Variants in MYRIP observed in about 807,000 individuals in gnomAD.
MYRIP encodes the protein rab effector MyRIP.
In MYRIP, 49 loss-of-function variants were observed where a neutral mutation model predicts 98.0. The observed-to-expected ratio is 0.50, with a 90% CI of 0.40 to 0.63. The LOEUF is 0.63. Among genes scored for constraint, MYRIP ranks in the 30% least tolerant of loss-of-function variants. MYRIP has a pLI of 0.00. For missense variants in MYRIP, 1,004 were observed against 1,058.2 expected (o/e 0.95, Z 0.71); for synonymous variants, 404 against 409.5 (o/e 0.99, Z 0.16).
Position 39,884,983 on chromosome 3 carries a change from A to G in MYRIP, c.-30-15804A>G, listed in dbSNP as rs1159908147. On this transcript the variant is annotated intron_variant, in intron 1 of 16. Transcript: ENST00000302541. ...GATATTGACAAATTGCCCTCTATAG[A>G]GGTGGTATAAATTTACATTCCTAAT... Among the ~76,000 whole-genome samples, 3 of 131,740 alleles carry G rather than the reference A, an allele frequency of 2.3e-5. No homozygotes were observed. The East Asian group carries it at 7.0e-4, about 31-fold the overall frequency. The allele number at this position is 131,740 out of a possible 152,430, so 86.4% of individuals were successfully genotyped here. A position where few individuals can be genotyped will look rare whatever the true frequency, so the allele number is the denominator to read the frequency against.
chr3:40,055,920 A>C (rs9870050), intron 3 of MYRIP, among the ~76,000 whole-genome samples: 12 of 151,902 alleles, frequency 7.9e-5, no homozygotes, highest in African/African-American at 2.4e-4. Flanking sequence ...AATTAATCGA[A>C]AATGACTAAA....
At chr3:40,021,079 C>G (rs1296165559) in intron 2 of MYRIP, among the ~76,000 whole-genome samples, 1 of 152,152 alleles carries the variant, frequency 6.6e-6, no homozygotes, top group East Asian at 1.9e-4. Context: ...ATTCCCATTC[C>G]TTTTTATAAA....
intron 2 of MYRIP, among the ~76,000 whole-genome samples, chr3:39,997,529 C>A (rs1196337836): frequency 1.3e-5 from 2 of 152,098 alleles, no homozygotes; most frequent in African/African-American, 4.8e-5. Context: ...CTCTGTAATT[C>A]AGGCAATAAT....
intron 2 of MYRIP, among the ~76,000 whole-genome samples, chr3:39,924,582 G>A (rs748186741): frequency 5.3e-5 from 8 of 151,990 alleles, no homozygotes; most frequent in Non-Finnish European, 8.8e-5. Flanking sequence ...CAAACAGGGA[G>A]ATAATCAACA....
At chr3:40,069,983 C>A (rs1286161741) in intron 3 of MYRIP, among the ~76,000 whole-genome samples, 3 of 152,178 alleles carry the variant, frequency 2.0e-5, no homozygotes, top group Admixed American at 6.5e-5. Flanking sequence ...TTCCAAGAGA[C>A]CTTTACTAAC....
intron 11 of MYRIP, among the ~76,000 whole-genome samples, chr3:40,221,962 C>G (rs1559462627): frequency 6.6e-6 from 1 of 152,140 alleles, no homozygotes. Context: ...GGCATTGGAA[C>G]AGCAAAGATA....
intron 9 of MYRIP, among the ~76,000 whole-genome samples, chr3:40,189,457 G>A (rs1022191726): frequency 6.6e-6 from 1 of 152,168 alleles, no homozygotes; most frequent in Non-Finnish European, 1.5e-5. Flanking sequence ...TGTAGCCCAA[G>A]GTCAAAGAGC....
intron 1 of MYRIP, among the ~76,000 whole-genome samples, chr3:39,820,021 G>A (rs1941057047): frequency 6.6e-6 from 1 of 152,182 alleles, no homozygotes; most frequent in African/African-American, 2.4e-5. Context: ...AGACAGATGT[G>A]TGATCTGCAG....
intron 2 of MYRIP, among the ~76,000 whole-genome samples, chr3:40,022,020 A>G (rs1947010960): frequency 6.6e-6 from 1 of 152,228 alleles, no homozygotes; most frequent in Non-Finnish European, 1.5e-5. Flanking sequence ...GAATTGATCA[A>G]ATGTTCAGTT....
Position 40,197,645 on chromosome 3 carries a change from G to GTC in MYRIP, c.1665+7183_1665+7184insCT, listed in dbSNP as rs549223932. On this transcript the variant is annotated intron_variant, in intron 10 of 16. Transcript: ENST00000302541. ...TCACCTTATCCTGTAGTCTTTTAGT[G>GTC]TAAGTGCTGAACTCTTATAGCTTTT... 2.6e-4 allele frequency among the ~76,000 whole-genome samples: 40 copies of GTC among 152,264 alleles called. No individual in the cohort carries two copies. The South Asian group carries it at 7.7e-3, about 29-fold the overall frequency.
At chr3:40,046,142 G>A (rs995133213) in intron 3 of MYRIP, among the ~76,000 whole-genome samples, 8 of 152,098 alleles carry the variant, frequency 5.3e-5, no homozygotes, top group Non-Finnish European at 8.8e-5. Flanking sequence ...ACAGTATGGA[G>A]GTGAAGAATT....
At chr3:40,163,462 G>C (rs1014460345) in intron 5 of MYRIP, among the ~76,000 whole-genome samples, 1 of 152,222 alleles carries the variant, frequency 6.6e-6, no homozygotes, top group South Asian at 2.1e-4. Context: ...ATTTCTGGAA[G>C]AGAACAGCAT....
At chr3:40,051,756 T>G (rs11923902) in intron 3 of MYRIP, among the ~76,000 whole-genome samples, 3 of 152,154 alleles carry the variant, frequency 2.0e-5, no homozygotes, top group Non-Finnish European at 2.9e-5. Context: ...TTAAGGCTTC[T>G]TTTCTTTTTC....
chr3:40,000,191 AT>A (rs1030605062), intron 2 of MYRIP, among the ~76,000 whole-genome samples: 11 of 152,250 alleles, frequency 7.2e-5, no homozygotes, highest in African/African-American at 2.6e-4. Flanking sequence ...ACAATAAATT[AT>A]TGTTAACTTT....
At chr3:40,021,818 G>A (rs1348269636) in intron 2 of MYRIP, among the ~76,000 whole-genome samples, 2 of 152,168 alleles carry the variant, frequency 1.3e-5, no homozygotes, top group South Asian at 2.1e-4. Flanking sequence ...CTGACATATT[G>A]TACTTATCTT....
At chr3:40,147,183 G>A (rs1046926329) in intron 3 of MYRIP, among the ~76,000 whole-genome samples, 3 of 151,944 alleles carry the variant, frequency 2.0e-5, no homozygotes, top group Admixed American at 1.3e-4. Context: ...CTTCTCCTTG[G>A]AAGTTTTATT....
chr3:39,819,293 A>G (rs1030590505), intron 1 of MYRIP, among the ~76,000 whole-genome samples: 45 of 152,250 alleles, frequency 3.0e-4, no homozygotes, highest in Middle Eastern at 3.4e-3. Context: ...GGTTGCAGTG[A>G]GCCGAGATTG....
intron 1 of MYRIP, among the ~76,000 whole-genome samples, chr3:39,887,471 T>C (rs1324939631): frequency 6.6e-6 from 1 of 152,098 alleles, no homozygotes; most frequent in Admixed American, 6.6e-5. Context: ...TTGACAAAAT[T>C]CAACAATGCT....
chr3:39,977,902 A>G (rs1489013051), intron 2 of MYRIP, among the ~76,000 whole-genome samples: 1 of 152,168 alleles, frequency 6.6e-6, no homozygotes, highest in Non-Finnish European at 1.5e-5. Flanking sequence ...GGGTTTGTAC[A>G]AGAAATCATT....
Sources: allele counts gnomAD v4.1 joint callset (sites outside exome capture counted in the v4.1 genomes callset), GRCh38; gene constraint gnomAD v4.1.1; transcripts MANE v1.5; gene names NCBI Gene and HGNC (gene_info 2026-07-23, HGNC 2026-07-21).